CHRM3: variants seen among roughly 807,000 people sequenced by gnomAD.
CHRM3 encodes muscarinic acetylcholine receptor M3.
In CHRM3, 11 loss-of-function variants were observed where a neutral mutation model predicts 41.8. The observed-to-expected ratio is 0.26, with a 90% CI of 0.17 to 0.44. CHRM3 has a LOEUF of 0.44. Among genes scored for constraint, CHRM3 ranks in the 20% least tolerant of loss-of-function variants. The pLI is 1.00. For missense variants in CHRM3, 571 were observed against 745.4 expected, an observed-to-expected ratio of 0.77 and a Z score of 2.72; for synonymous variants, 297 against 301.4, an observed-to-expected ratio of 0.99 and a Z score of 0.15.
intron 5 of CHRM3, among the ~76,000 whole-genome samples, chr1:239,809,309 C>A (rs547034341): frequency 4.6e-5 from 7 of 151,976 alleles, no homozygotes; most frequent in Non-Finnish European, 8.8e-5. Flanking sequence ...CGTGAGCCAC[C>A]GCACCCGGCC....
At chr1:239,841,939 A>AT (rs1673831641) in intron 6 of CHRM3, among the ~76,000 whole-genome samples, 1 of 152,224 alleles carries the variant, frequency 6.6e-6, no homozygotes. Context: ...CTTAGAATTC[A>AT]TTCATTCCAA....
rs184711204 is a variant in CHRM3, at chr1:239,858,324, C to T, written c.-20+30946C>T. ...TCTCCACCCTTCCCCCTTTAGAGCT[C>T]GGTTTTAGCTTTTATTGTCACTTGA... On this transcript the variant is annotated intron_variant, in intron 6 of 6. Coordinates refer to ENST00000676153, the MANE Select transcript of CHRM3 (RefSeq NM_001375978.1). Among the ~76,000 whole-genome samples, 11 of 152,140 alleles carry T rather than the reference C, an allele frequency of 7.2e-5. No individual in the cohort carries two copies. The East Asian group carries it at 1.9e-3, about 27-fold the overall frequency.
At chr1:239,462,781 T>C (rs1202486795) in intron 1 of CHRM3, among the ~76,000 whole-genome samples, 1 of 152,242 alleles carries the variant, frequency 6.6e-6, no homozygotes, top group Non-Finnish European at 1.5e-5. Flanking sequence ...TTTCTGCAGC[T>C]TTTTCCTTGA....
At chr1:239,713,157 A>G (rs1661986000) in intron 5 of CHRM3, among the ~76,000 whole-genome samples, 1 of 152,198 alleles carries the variant, frequency 6.6e-6, no homozygotes, top group Non-Finnish European at 1.5e-5. Flanking sequence ...TACATTAAGT[A>G]CATTAAGTGG....
chr1:239,438,918 G>C (rs1483788050), intron 1 of CHRM3, among the ~76,000 whole-genome samples: 2 of 152,128 alleles, frequency 1.3e-5, no homozygotes, highest in African/African-American at 4.8e-5. Flanking sequence ...AGGTATCTCA[G>C]GGACTCTAGA....
At chr1:239,627,347 T>C (rs1351152149) in intron 3 of CHRM3, among the ~76,000 whole-genome samples, 4 of 127,324 alleles carry the variant, frequency 3.1e-5, no homozygotes, top group Non-Finnish European at 6.7e-5. Context: ...TTGTTTTCCA[T>C]TTGCTTGGTA....
intron 6 of CHRM3, among the ~76,000 whole-genome samples, chr1:239,828,004 T>G (rs549920014): frequency 6.6e-6 from 1 of 152,358 alleles, no homozygotes; most frequent in Admixed American, 6.5e-5. Flanking sequence ...TATCATAAAT[T>G]ATTCATTCCT....
intron 1 of CHRM3, among the ~76,000 whole-genome samples, chr1:239,410,816 TA>T (rs1282023343): frequency 6.6e-6 from 1 of 152,192 alleles, no homozygotes; most frequent in East Asian, 1.9e-4. Context: ...CCTTCATGCT[TA>T]GTTTCCAAGC....
chr1:239,846,483 T>TA (rs1478197049), intron 6 of CHRM3, among the ~76,000 whole-genome samples: 5 of 152,108 alleles, frequency 3.3e-5, no homozygotes, highest in African/African-American at 1.2e-4. Context: ...GATAAGCCAA[T>TA]AAAAAATACA....
At chr1:239,577,668 G>T (rs1040525789) in intron 3 of CHRM3, among the ~76,000 whole-genome samples, 1 of 152,098 alleles carries the variant, frequency 6.6e-6, no homozygotes, top group Admixed American at 6.6e-5. Context: ...TTTCGCATTG[G>T]TACCTGTTCC....
intron 3 of CHRM3, among the ~76,000 whole-genome samples, chr1:239,604,531 A>G (rs1365880409): frequency 6.6e-6 from 1 of 152,180 alleles, no homozygotes; most frequent in Non-Finnish European, 1.5e-5. Flanking sequence ...TCTGAGATTT[A>G]CGTCCAGAGA....
At chr1:239,772,145 A>G (rs1667728577) in intron 5 of CHRM3, among the ~76,000 whole-genome samples, 2 of 152,016 alleles carry the variant, frequency 1.3e-5, no homozygotes, top group East Asian at 1.9e-4. Context: ...ATTTCTATGT[A>G]TATACTTTTC....
rs554249453 is a variant in CHRM3 at position 239,858,612 on chromosome 1, C to T, written c.-20+31234C>T. Among the ~76,000 whole-genome samples the T allele has an allele frequency of 2.6e-4, 39 of 151,202 alleles. 1 individual carries two copies. Among genetic ancestry groups the T allele is most frequent in the Admixed American group, 1.7e-3 (26 of 15,166 alleles). On this transcript the variant is annotated intron_variant, in intron 6 of 6. Coordinates refer to ENST00000676153, the MANE Select transcript of CHRM3 (RefSeq NM_001375978.1). ...GTTTTTTAAGGTAGAATTTATATAA[C>T]GTAAAATTAGTCACGAATCATTTTA...
chr1:239,901,237 A>G (rs1159347555), intron 6 of CHRM3, among the ~76,000 whole-genome samples: 1 of 152,144 alleles, frequency 6.6e-6, no homozygotes, highest in Non-Finnish European at 1.5e-5. Flanking sequence ...AGCAGAGTGT[A>G]AGGCAAGATT....
intron 6 of CHRM3, among the ~76,000 whole-genome samples, chr1:239,889,697 A>T (rs999184673): frequency 2.0e-5 from 3 of 152,208 alleles, no homozygotes; most frequent in African/African-American, 7.2e-5. Context: ...TGTTTCAGCC[A>T]GTCAGTCCTG....
At chr1:239,716,818 C>G (rs1328704017) in intron 5 of CHRM3, among the ~76,000 whole-genome samples, 2 of 151,924 alleles carry the variant, frequency 1.3e-5, no homozygotes, top group Non-Finnish European at 2.9e-5. Flanking sequence ...ATGTAGCTCT[C>G]TGACAAAATG....
At chr1:239,657,327 A>G (rs894055054) in intron 4 of CHRM3, among the ~76,000 whole-genome samples, 3 of 152,244 alleles carry the variant, frequency 2.0e-5, no homozygotes, top group Non-Finnish European at 4.4e-5. Flanking sequence ...CTTGTTGAGG[A>G]AAATGAAAAC....
chr1:239,481,093 A>C (rs1167527457), intron 1 of CHRM3, among the ~76,000 whole-genome samples: 3 of 152,226 alleles, frequency 2.0e-5, no homozygotes, highest in African/African-American at 4.8e-5. Flanking sequence ...GCAGCTGTTA[A>C]ATAGAATGGG....
chr1:239,790,192 C>T (rs902215197), intron 5 of CHRM3, among the ~76,000 whole-genome samples: 6 of 152,154 alleles, frequency 3.9e-5, no homozygotes, highest in African/African-American at 7.2e-5. Flanking sequence ...TGTGGACTTT[C>T]GGGTTAATGC....
Sources: gnomAD v4.1 joint callset for allele counts (sites outside exome capture counted in the v4.1 genomes callset) on GRCh38, gnomAD v4.1.1 for gene constraint, MANE v1.5 for transcripts, NCBI Gene and HGNC (gene_info 2026-07-23, HGNC 2026-07-21) for gene names.